The following GRM8 variants were observed in gnomAD, a reference collection of about 807,000 sequenced individuals.
GRM8 encodes metabotropic glutamate receptor 8.
Under a neutral mutation model 87.2 loss-of-function variants are expected in GRM8, and 47 were observed. The ratio of observed to expected loss-of-function variants is 0.54; its 90% CI spans 0.43 to 0.69. The LOEUF is 0.69. GRM8 is among the 30% of genes least tolerant of loss of function. GRM8 has a pLI of 0.00. For synonymous variants in GRM8, 396 were observed against 404.5 expected (o/e 0.98, Z 0.25); for missense variants, 1,019 against 1,139.2 (o/e 0.89, Z 1.52).
chr7:127,233,316 G>A lies in GRM8; in HGVS notation c.510+9379C>T, dbSNP rs149756805. Among the ~76,000 whole-genome samples, 13 of 151,942 alleles carry A rather than the reference G, an allele frequency of 8.6e-5. No homozygotes were observed. In the East Asian group the frequency reaches 1.5e-3, roughly 18 times the overall value. On this transcript the variant is annotated intron_variant, in intron 2 of 10. Coordinates refer to ENST00000339582, the MANE Select transcript of GRM8 (RefSeq NM_000845.3). The stretch of plus-strand genomic sequence containing the variant: ...AGTATCAGCACCACTAGATAAATAC[G>A]TTAAAATAATCTATAATTTGAACAG...
intron 3 of GRM8, among the ~76,000 whole-genome samples, chr7:127,077,243 G>C (rs1325907858): frequency 6.6e-6 from 1 of 152,150 alleles, no homozygotes. Flanking sequence ...CCTCTCTCTG[G>C]TGTTCAGCCA....
chr7:127,120,800 C>T (rs1827044072), intron 2 of GRM8, among the ~76,000 whole-genome samples: 1 of 152,140 alleles, frequency 6.6e-6, no homozygotes, highest in South Asian at 2.1e-4. Context: ...ATGAACATCT[C>T]CTGATCATTA....
intron 2 of GRM8, among the ~76,000 whole-genome samples, chr7:127,145,455 A>G (rs971250503): frequency 2.6e-5 from 4 of 152,152 alleles, no homozygotes; most frequent in Non-Finnish European, 5.9e-5. Context: ...CTACAATTAA[A>G]GATTCATGCT....
At chr7:126,516,036 GT>G (rs925024052) in intron 9 of GRM8, among the ~76,000 whole-genome samples, 10 of 151,890 alleles carry the variant, frequency 6.6e-5, no homozygotes, top group African/African-American at 2.4e-4. Context: ...TATGATTAAT[GT>G]TTTTATGCCT....
chr7:126,778,333 A>T (rs1322840599), intron 6 of GRM8, among the ~76,000 whole-genome samples: 4 of 152,168 alleles, frequency 2.6e-5, no homozygotes, highest in Non-Finnish European at 1.5e-5. Flanking sequence ...TGTGCCTGGC[A>T]GGAAATAGAA....
chr7:126,647,947 A>G (rs1171525287), intron 7 of GRM8, among the ~76,000 whole-genome samples: 1 of 152,188 alleles, frequency 6.6e-6, no homozygotes, highest in African/African-American at 2.4e-5. Flanking sequence ...GCCATTGTAC[A>G]TTGGAAGAAA....
chr7:126,773,086 C>T (rs1048564814), intron 6 of GRM8, among the ~76,000 whole-genome samples: 5 of 151,966 alleles, frequency 3.3e-5, no homozygotes, highest in East Asian at 1.9e-4. Context: ...TGCAGCAACA[C>T]AGAGAAAGGC....
At chr7:127,011,974 T>C (rs886090787) in intron 3 of GRM8, among the ~76,000 whole-genome samples, 1 of 152,138 alleles carries the variant, frequency 6.6e-6, no homozygotes, top group African/African-American at 2.4e-5. Flanking sequence ...ACATTAATCA[T>C]TTCATAACTT....
Position 126,892,790 on chromosome 7 carries a change from C to A in GRM8, c.1156+9752G>T, listed in dbSNP as rs201846655. On this transcript the variant is annotated intron_variant, in intron 6 of 10. Coordinates refer to ENST00000339582, the MANE Select transcript of GRM8 (RefSeq NM_000845.3). Reference sequence around the variant, plus strand: ...TGTTCCTATTTCTCCACATCCTCTCCAGCACCTGTTGTTTCCTGACTTTTT... The same window carrying A: ...TGTTCCTATTTCTCCACATCCTCTCAAGCACCTGTTGTTTCCTGACTTTTT... Among the ~76,000 whole-genome samples the A allele has an allele frequency of 8.5e-5, 13 of 152,206 alleles. No homozygotes were observed. In the East Asian group the frequency reaches 2.3e-3, roughly 27 times the overall value.
At chr7:126,912,867 T>C (rs1803464797) in intron 3 of GRM8, among the ~76,000 whole-genome samples, 1 of 152,226 alleles carries the variant, frequency 6.6e-6, no homozygotes, top group African/African-American at 2.4e-5. Context: ...TATTATTTAA[T>C]GTTAAAACTT....
chr7:126,901,348 T>C (rs895380040), intron 6 of GRM8, among the ~76,000 whole-genome samples: 1 of 152,196 alleles, frequency 6.6e-6, no homozygotes, highest in Non-Finnish European at 1.5e-5. Flanking sequence ...TCACAGTTAA[T>C]CTGTTGTATT....
chr7:127,071,713 G>A (rs1198391550), intron 3 of GRM8, among the ~76,000 whole-genome samples: 2 of 152,110 alleles, frequency 1.3e-5, no homozygotes, highest in Non-Finnish European at 2.9e-5. Context: ...TGTGGTCTCT[G>A]AATGCAAATC....
At chr7:126,979,131 T>C (rs756516275) in intron 3 of GRM8, among the ~76,000 whole-genome samples, 4 of 152,124 alleles carry the variant, frequency 2.6e-5, no homozygotes, top group Non-Finnish European at 5.9e-5. Flanking sequence ...AAACATCTGC[T>C]CCCACATGCA....
chr7:126,790,785 AG>A (rs1821196098), intron 6 of GRM8, among the ~76,000 whole-genome samples: 1 of 152,138 alleles, frequency 6.6e-6, no homozygotes, highest in Non-Finnish European at 1.5e-5. Flanking sequence ...TGAATGAGGA[AG>A]GGCAGCAGCG....
At chr7:126,653,069 C>T (rs35399593) in intron 7 of GRM8, among the ~76,000 whole-genome samples, 46,590 of 151,696 alleles carry the variant, frequency 0.31, 8,022 homozygotes, top group East Asian at 0.43. Context: ...CTCTATAAAA[C>T]GTGTGAGAAT....
intron 3 of GRM8, among the ~76,000 whole-genome samples, chr7:126,958,535 C>T (rs767690839): frequency 7.9e-5 from 12 of 152,212 alleles, no homozygotes; most frequent in Non-Finnish European, 1.6e-4. Flanking sequence ...TGGCTGTGCG[C>T]AGTGGCTGGA....
At chr7:126,508,247 A>C (rs1254369193) in intron 9 of GRM8, among the ~76,000 whole-genome samples, 1 of 77,148 alleles carries the variant, frequency 1.3e-5, no homozygotes, top group Non-Finnish European at 2.7e-5. Context: ...ACACACACAC[A>C]CTGGCACACA....
chr7:126,890,045 A>G (rs1800850573), intron 6 of GRM8, among the ~76,000 whole-genome samples: 1 of 152,138 alleles, frequency 6.6e-6, no homozygotes, highest in South Asian at 2.1e-4. Context: ...TCAAAGTTAC[A>G]TTTACATTTA....
Position 127,072,392 on chromosome 7 carries a change from C to T in GRM8, c.727+34104G>A, listed in dbSNP as rs1054874970. On this transcript the variant is annotated intron_variant, in intron 3 of 10. Transcript: ENST00000339582. The stretch of plus-strand genomic sequence containing the variant: ...CTGCTAACATATTTCCTAAAAGTTT[C>T]CCATTATCTGTAGAATAAAATATGA... 5.3e-5 allele frequency among the ~76,000 whole-genome samples: 8 copies of T among 152,270 alleles called. No homozygotes were observed. In the Middle Eastern group the frequency reaches 0.01, roughly 194 times the overall value.
Sources: gnomAD v4.1 joint callset for allele counts (sites outside exome capture counted in the v4.1 genomes callset) on GRCh38, gnomAD v4.1.1 for gene constraint, MANE v1.5 for transcripts, NCBI Gene and HGNC (gene_info 2026-07-23, HGNC 2026-07-21) for gene names.